The following CDH12 variants were observed in gnomAD, a reference collection of about 807,000 sequenced individuals.
CDH12 encodes the protein cadherin-12.
In CDH12, 41 loss-of-function variants were observed where a neutral mutation model predicts 74.1. The ratio of observed to expected loss-of-function variants is 0.55; its 90% CI spans 0.43 to 0.72. CDH12 has a LOEUF of 0.72. Among genes scored for constraint, CDH12 ranks in the 30% least tolerant of loss-of-function variants. The probability of loss-of-function intolerance (pLI) is 0.00; values close to 1 mark genes in which losing one functional copy is unlikely to be tolerated. For missense variants in CDH12, 945 were observed against 977.2 expected (o/e 0.97, Z 0.44); for synonymous variants, 399 against 355.0 (o/e 1.12, Z -1.39).
chr5:22,108,560 T>C lies in CDH12; in HGVS notation c.-186-29698A>G, dbSNP rs575642472. On this transcript the variant is annotated intron_variant, in intron 4 of 14. Coordinates refer to ENST00000382254, the MANE Select transcript of CDH12 (RefSeq NM_004061.5). ...ATAAAATACCATAAGGAATCAGAAT[T>C]GTGGCATCTTGCCATGAGGCTAGTG... is the stretch of plus-strand genomic sequence containing the variant. Among the ~76,000 whole-genome samples the C allele has an allele frequency of 4.6e-5, 7 of 152,326 alleles. No individual in the cohort carries two copies. The South Asian group carries it at 6.2e-4, about 14-fold the overall frequency.
intron 1 of CDH12, among the ~76,000 whole-genome samples, chr5:22,842,347 T>C (rs780176): frequency 0.79 from 119,371 of 152,046 alleles, 47,059 homozygotes; most frequent in African/African-American, 0.83. Context: ...AATCAAAGTT[T>C]TTAGACCCTG....
chr5:22,571,546 C>T (rs899253440), intron 1 of CDH12, among the ~76,000 whole-genome samples: 1 of 152,180 alleles, frequency 6.6e-6, no homozygotes, highest in African/African-American at 2.4e-5. Flanking sequence ...AGGCTGGTCT[C>T]GAATTCCTGA....
At chr5:21,833,182 TTATATAACATATAATATATATATTATAA>T (rs1749234796) in intron 8 of CDH12, among the ~76,000 whole-genome samples, 1 of 35,460 alleles carries the variant, frequency 2.8e-5, no homozygotes, top group Non-Finnish European at 3.9e-5. Flanking sequence ...TAAATATATA[TTATATAACATATAATATATATATTATAA>T]TATATATTAT....
chr5:21,830,499 A>C (rs1399370679), intron 8 of CDH12, among the ~76,000 whole-genome samples: 1 of 152,188 alleles, frequency 6.6e-6, no homozygotes, highest in African/African-American at 2.4e-5. Flanking sequence ...TTTTGAGAGT[A>C]AAACAAATCA....
chr5:22,670,713 A>T (rs1040881946), intron 1 of CDH12, among the ~76,000 whole-genome samples: 1 of 151,946 alleles, frequency 6.6e-6, no homozygotes, highest in African/African-American at 2.4e-5. Context: ...ACATATTTTA[A>T]AGGTTTTTAT....
At chr5:22,319,393 G>A (rs3099033) in intron 3 of CDH12, among the ~76,000 whole-genome samples, 4,937 of 152,188 alleles carry the variant, frequency 0.032, 263 homozygotes, top group African/African-American at 0.11. Flanking sequence ...CATCCTATGT[G>A]GGAAGAAAAG....
At chr5:21,763,595 CA>C (rs1263366291) in intron 12 of CDH12, among the ~76,000 whole-genome samples, 2 of 151,998 alleles carry the variant, frequency 1.3e-5, no homozygotes, top group Non-Finnish European at 2.9e-5. Flanking sequence ...TAGAGCAAAC[CA>C]AAGCATACCA....
rs554405926 is a variant in CDH12, at chr5:22,164,125, C to A, written c.-187+48373G>T. Among the ~76,000 whole-genome samples the A allele has an allele frequency of 2.6e-5, 4 of 152,296 alleles. No individual in the cohort carries two copies. The South Asian group carries it at 8.3e-4, about 32-fold the overall frequency. ...TAGTGTTACCAGGGGTCCTTGCTCC[C>A]AGAGCTCCCAAGATGGTCGTGGGCC... On this transcript the variant is annotated intron_variant, in intron 4 of 14. Transcript: ENST00000382254.
intron 1 of CDH12, among the ~76,000 whole-genome samples, chr5:22,805,212 GAA>G (rs1425804654): frequency 6.6e-6 from 1 of 151,800 alleles, no homozygotes; most frequent in African/African-American, 2.4e-5. Context: ...AAATATAAAT[GAA>G]AAAATAGATA....
rs148729511 is a variant in CDH12, at chr5:21,874,301, A to G, written c.527-19511T>C. Among the ~76,000 whole-genome samples, 408 of 152,292 alleles carry G rather than the reference A, an allele frequency of 2.7e-3. 2 individuals are homozygous for G. The highest frequency in any genetic ancestry group is 9.6e-3 in the African/African-American group (400 of 41,564). On this transcript the variant is annotated intron_variant, in intron 6 of 14. Transcript: ENST00000382254. ...CATCACTGATAATTAGACAAATGCA[A>G]ATCAAAACTGAGAGACACAGGACTA...
At chr5:22,426,316 A>G (rs1340376493) in intron 2 of CDH12, among the ~76,000 whole-genome samples, 2 of 147,284 alleles carry the variant, frequency 1.4e-5, no homozygotes, top group African/African-American at 2.5e-5. Context: ...TTTTATTTTT[A>G]TATTGTTTTA....
chr5:22,058,373 A>G lies in CDH12; in HGVS notation c.231+20073T>C, dbSNP rs542660618. 2.6e-5 allele frequency among the ~76,000 whole-genome samples: 4 copies of G among 152,236 alleles called. No homozygotes were observed. In the East Asian group the frequency reaches 7.7e-4, roughly 29 times the overall value. On this transcript the variant is annotated intron_variant, in intron 5 of 14. Transcript: ENST00000382254. ...CACCCAGCCTTCTATTTATTTTTAA[A>G]GCTATACCACTGGTTCTTCAGGCAT... is the stretch of plus-strand genomic sequence containing the variant.
At chr5:22,031,064 G>C (rs1161477397) in intron 5 of CDH12, among the ~76,000 whole-genome samples, 1 of 152,100 alleles carries the variant, frequency 6.6e-6, no homozygotes, top group East Asian at 1.9e-4. Context: ...GCCAGGCATG[G>C]TATCTCACAC....
intron 1 of CDH12, among the ~76,000 whole-genome samples, chr5:22,833,465 A>G (rs1736704119): frequency 6.6e-6 from 1 of 152,206 alleles, no homozygotes; most frequent in African/African-American, 2.4e-5. Context: ...TAAAAAAGAC[A>G]CACCTTTTCA....
chr5:22,245,667 T>C (rs1752920893), intron 3 of CDH12, among the ~76,000 whole-genome samples: 1 of 151,768 alleles, frequency 6.6e-6, no homozygotes, highest in African/African-American at 2.4e-5. Flanking sequence ...TATACATATA[T>C]CATATATATT....
In CDH12 at chr5:22,795,591, TTA is replaced by T. The variant is rs1748154954; in HGVS notation, c.-523+57465_-523+57466del. 2.2e-5 allele frequency among the ~76,000 whole-genome samples: 3 copies of T among 134,984 alleles called. No homozygotes were observed. The South Asian group carries it at 7.6e-4, about 34-fold the overall frequency. The allele number at this position is 134,984 out of a possible 152,430, so 88.6% of individuals were successfully genotyped here. The stretch of plus-strand genomic sequence containing the variant: ...CACATATATAATATATACATATATA[TTA>T]TACACACACACACACAAACACACAT... On this transcript the variant is annotated intron_variant, in intron 1 of 14. Transcript: ENST00000382254.
At chr5:22,009,446 C>T (rs1737159234) in intron 5 of CDH12, among the ~76,000 whole-genome samples, 1 of 152,050 alleles carries the variant, frequency 6.6e-6, no homozygotes, top group South Asian at 2.1e-4. Context: ...TCCCATTGAT[C>T]CTTCACAGAA....
intron 6 of CDH12, among the ~76,000 whole-genome samples, chr5:21,917,805 A>G (rs1395831755): frequency 6.6e-6 from 1 of 152,234 alleles, no homozygotes; most frequent in East Asian, 1.9e-4. Flanking sequence ...TCTTGTCCAT[A>G]GAAATGCAAA....
intron 5 of CDH12, among the ~76,000 whole-genome samples, chr5:22,077,416 T>G (rs909941256): frequency 2.0e-5 from 3 of 152,168 alleles, no homozygotes; most frequent in African/African-American, 7.2e-5. Flanking sequence ...CTCTTTAGTT[T>G]ATGTTTTCAG....
Sources: allele counts gnomAD v4.1 joint callset (sites outside exome capture counted in the v4.1 genomes callset), GRCh38; gene constraint gnomAD v4.1.1; transcripts MANE v1.5; gene names NCBI Gene and HGNC (gene_info 2026-07-23, HGNC 2026-07-21).